The following STAG2 variants were observed in gnomAD, a reference collection of about 807,000 sequenced individuals.
The protein encoded by STAG2 is cohesin subunit SA-2.
Under a neutral mutation model 108.1 loss-of-function variants are expected in STAG2, and 14 were observed. The ratio of observed to expected loss-of-function variants is 0.13; its 90% CI spans 0.09 to 0.20. The LOEUF (loss-of-function observed/expected upper bound fraction) is 0.20, where lower values mean the gene tolerates loss of function less well. Among genes scored for constraint, STAG2 ranks in the 10% least tolerant of loss-of-function variants. The pLI, the probability that STAG2 is intolerant of heterozygous loss-of-function variation, is 1.00. For missense variants in STAG2, 440 were observed against 940.9 expected, an observed-to-expected ratio of 0.47 and a Z score of 6.96; for synonymous variants, 307 against 302.7, an observed-to-expected ratio of 1.01 and a Z score of -0.15.
At chrX:124,016,832 T>C (rs1361564987) in intron 1 of STAG2, among the ~76,000 whole-genome samples, 1 of 111,182 alleles carries the variant, frequency 9.0e-6, no homozygotes, top group Non-Finnish European at 1.9e-5. Flanking sequence ...CTGGGCATGG[T>C]GGTGCTCGCC....
At chrX:123,976,899 C>T (rs1303482656) in intron 1 of STAG2, among the ~76,000 whole-genome samples, 2 of 111,919 alleles carry the variant, frequency 1.8e-5, no homozygotes, top group Non-Finnish European at 3.8e-5. Context: ...TTATAGATTT[C>T]ATAGTGATAC....
intron 1 of STAG2, among the ~76,000 whole-genome samples, chrX:124,014,712 T>C (rs1016658106): frequency 9.0e-6 from 1 of 110,908 alleles, no homozygotes; most frequent in African/African-American, 3.3e-5. Context: ...CTACTATTAG[T>C]TAGGAAATAT....
At chrX:124,057,292 G>A (rs2058235263) in intron 14 of STAG2, among the ~76,000 whole-genome samples, 1 of 111,714 alleles carries the variant, frequency 9.0e-6, no homozygotes, top group Non-Finnish European at 1.9e-5. Flanking sequence ...TTGTTCCTAT[G>A]ATGTTATTAA....
intron 1 of STAG2, among the ~76,000 whole-genome samples, chrX:124,008,776 T>C (rs761445541): frequency 7.1e-5 from 8 of 112,095 alleles, no homozygotes; most frequent in African/African-American, 2.3e-4. Context: ...AAAATAATAA[T>C]CATAGAATAA....
chrX:123,994,691 C>CT (rs904745232), intron 1 of STAG2, among the ~76,000 whole-genome samples: 2 of 111,885 alleles, frequency 1.8e-5, no homozygotes, highest in African/African-American at 6.5e-5. Context: ...ATTCACAATA[C>CT]TTTAAGAGTG....
intron 1 of STAG2, among the ~76,000 whole-genome samples, chrX:123,989,739 G>A (rs367604619): frequency 1.8e-4 from 20 of 108,773 alleles, no homozygotes; most frequent in African/African-American, 6.7e-4. Flanking sequence ...GAGTAGCTGG[G>A]ATTACAGGCG....
intron 1 of STAG2, among the ~76,000 whole-genome samples, chrX:124,015,456 C>T (rs2056686632): frequency 9.4e-6 from 1 of 106,222 alleles, no homozygotes. Context: ...ATGATCTTGG[C>T]TCACTGCAAC....
chrX:124,007,631 C>T (rs1440338150), intron 1 of STAG2, among the ~76,000 whole-genome samples: 1 of 112,202 alleles, frequency 8.9e-6, no homozygotes. Context: ...TTTATCATCC[C>T]TTCCTCCTTA....
At chrX:124,070,328 A>G (rs941070395) in intron 24 of STAG2, among the ~76,000 whole-genome samples, 1 of 112,188 alleles carries the variant, frequency 8.9e-6, no homozygotes, top group Non-Finnish European at 1.9e-5. Context: ...AAATGTGGTT[A>G]GTTCCAAAGT....
rs371268691 is a variant in STAG2 at position 124,017,213 on chromosome X, C to CT, written c.-162-4143dup. Among the ~76,000 whole-genome samples, 727 of 102,230 alleles carry CT rather than the reference C, an allele frequency of 7.1e-3. 8 individuals are homozygous for CT. The highest frequency in any genetic ancestry group is 0.021 in the African/African-American group (596 of 28,310). The allele number at this position is 102,230 out of a possible 115,157, so 88.8% of individuals were successfully genotyped here. A position where few individuals can be genotyped will look rare whatever the true frequency, so the allele number is the denominator to read the frequency against. ...GACCACTTGGGATTGAATTAAATAC[C>CT]TTTTTTTTTTTATGGAGATGGAGTC... On this transcript the variant is annotated intron_variant, in intron 1 of 34. Transcript: ENST00000371145.
At chrX:123,976,030 A>G (rs1244615013) in intron 1 of STAG2, among the ~76,000 whole-genome samples, 1 of 112,204 alleles carries the variant, frequency 8.9e-6, no homozygotes, top group Non-Finnish European at 1.9e-5. Flanking sequence ...CACACCTATA[A>G]TCCCAACACT....
In STAG2 at chrX:124,021,438, A is replaced by T. The variant is rs1041152167; in HGVS notation, c.-98+7A>T. 2 of 112,140 alleles carry T rather than the reference A, an allele frequency of 1.8e-5. No individual in the cohort carries two copies. The highest frequency in any genetic ancestry group is 6.5e-5 in the African/African-American group (2 of 30,859). 9.2% of individuals were successfully genotyped at this position (112,140 alleles called of 1,213,427 possible). On this transcript the variant is annotated splice_region_variant and intron_variant, in intron 2 of 34. Transcript: ENST00000371145. ...AGAAAATTATAAGAGAAAGGTACAC[A>T]TAAGACTAAGAGCTTTAGACTTTAG...
chrX:124,043,981 G>C (rs1422002898), intron 7 of STAG2, among the ~76,000 whole-genome samples: 1 of 111,451 alleles, frequency 9.0e-6, no homozygotes, highest in African/African-American at 3.3e-5. Flanking sequence ...TTTTCAAGTA[G>C]AAAATGTTGT....
Position 124,090,551 on chromosome X carries a change from C to T in STAG2, c.3278-24C>T, listed in dbSNP as rs772670321. 1.9e-5 allele frequency: 22 copies of T among 1,178,346 alleles called. No individual in the cohort carries two copies. The South Asian group carries it at 2.4e-4, about 13-fold the overall frequency. On this transcript the variant is annotated intron_variant, in intron 30 of 34. Coordinates refer to ENST00000371145, the MANE Select transcript of STAG2 (RefSeq NM_001042750.2). ...GAATAGTCAAAATTAGTGACTAAAC[C>T]TCGTCGTTAATTTTCTTTTCCAGCT...
chrX:124,096,334 A>G (rs1449204855), intron 34 of STAG2, among the ~76,000 whole-genome samples: 3 of 110,970 alleles, frequency 2.7e-5, no homozygotes, highest in African/African-American at 9.8e-5. Context: ...TTCCACTCAG[A>G]TACACTATGC....
At chrX:123,963,033 T>C (rs757299432) in intron 1 of STAG2, 7 of 112,273 alleles carry the variant, frequency 6.2e-5, no homozygotes, top group Admixed American at 1.9e-4. Context: ...TCGAGGTTTC[T>C]TGATGAAACC....
chrX:124,019,052 CTTTTTTT>C (rs751161706), intron 1 of STAG2, among the ~76,000 whole-genome samples: 4 of 79,902 alleles, frequency 5.0e-5, no homozygotes, highest in African/African-American at 2.1e-4. Context: ...ATTTAGCACT[CTTTTTTT>C]TTTTTTTTTT....
intron 1 of STAG2, among the ~76,000 whole-genome samples, chrX:123,964,958 G>GC: frequency 1.1e-5 from 1 of 93,107 alleles, no homozygotes; most frequent in Middle Eastern, 6.0e-3. Context: ...TAAGGTAAGT[G>GC]CCTTTTTTTT....
Position 124,008,393 on chromosome X carries a change from A to G in STAG2, c.-162-12974A>G, listed in dbSNP as rs187205354. On this transcript the variant is annotated intron_variant, in intron 1 of 34. Coordinates refer to ENST00000371145, the MANE Select transcript of STAG2 (RefSeq NM_001042750.2). Reference sequence around the variant, plus strand: ...CACGCCTGGCTAATTTTTGTATTTTAGTAGAGACAGGGTTTCACCATGTTG... The same window carrying G: ...CACGCCTGGCTAATTTTTGTATTTTGGTAGAGACAGGGTTTCACCATGTTG... 1.8e-3 allele frequency among the ~76,000 whole-genome samples: 198 copies of G among 109,771 alleles called. 3 individuals carry two copies. The East Asian group carries it at 0.047, about 26-fold the overall frequency.
Sources: allele counts gnomAD v4.1 joint callset (sites outside exome capture counted in the v4.1 genomes callset), GRCh38; gene constraint gnomAD v4.1.1; transcripts MANE v1.5; gene names NCBI Gene and HGNC (gene_info 2026-07-23, HGNC 2026-07-21).